The following TBC1D22A variants were observed in gnomAD, a reference collection of about 807,000 sequenced individuals.
TBC1D22A encodes the protein putative GTPase activator.
Under a neutral mutation model 60.2 loss-of-function variants are expected in TBC1D22A, and 38 were observed. The ratio of observed to expected loss-of-function variants is 0.63; its 90% confidence interval spans 0.49 to 0.83. TBC1D22A has a LOEUF of 0.83. TBC1D22A is among the 40% of genes least tolerant of loss of function. The pLI, the probability that TBC1D22A is intolerant of heterozygous loss-of-function variation, is 0.00. For synonymous variants in TBC1D22A, 302 were observed against 281.7 expected, an observed-to-expected ratio of 1.07 and a Z score of -0.72; for missense variants, 628 against 701.0, an observed-to-expected ratio of 0.90 and a Z score of 1.18.
At chr22:47,070,234 C>G (rs1345628423) in intron 11 of TBC1D22A, among the ~76,000 whole-genome samples, 2 of 147,626 alleles carry the variant, frequency 1.4e-5, no homozygotes, top group Non-Finnish European at 3.0e-5. Flanking sequence ...CGGAGCTGAC[C>G]TGACGGTTCC....
intron 11 of TBC1D22A, among the ~76,000 whole-genome samples, chr22:47,109,377 G>A (rs1251628700): frequency 1.3e-5 from 2 of 152,308 alleles, no homozygotes; most frequent in East Asian, 1.9e-4. Flanking sequence ...CTCGAACAAC[G>A]CTGTTGATGA....
rs532938069 is a variant in TBC1D22A at position 47,039,568 on chromosome 22, A to G, written c.1329+2370A>G. Among the ~76,000 whole-genome samples the G allele has an allele frequency of 3.9e-5, 6 of 152,202 alleles. No individual in the cohort carries two copies. The South Asian group carries it at 6.2e-4, about 16-fold the overall frequency. On this transcript the variant is annotated intron_variant, in intron 11 of 12. Coordinates refer to ENST00000337137, the MANE Select transcript of TBC1D22A (RefSeq NM_014346.5). ...GCCCTGAACTAGATAGTATATAAAAATGAATGAGGGGCATTGTCATGAGGG... is the reference window on the plus strand; with the variant it reads ...GCCCTGAACTAGATAGTATATAAAAGTGAATGAGGGGCATTGTCATGAGGG...
chr22:46,850,704 C>T (rs922821424), intron 4 of TBC1D22A, among the ~76,000 whole-genome samples: 6 of 152,042 alleles, frequency 3.9e-5, no homozygotes, highest in Non-Finnish European at 7.4e-5. Context: ...TGTATATTCC[C>T]GAGAGAAATG....
At chr22:46,815,670 G>T (rs2085564644) in intron 4 of TBC1D22A, among the ~76,000 whole-genome samples, 1 of 152,228 alleles carries the variant, frequency 6.6e-6, no homozygotes, top group African/African-American at 2.4e-5. Flanking sequence ...TCTGCCTGGT[G>T]CTGGGCACTG....
chr22:47,123,594 A>G (rs912136410), intron 12 of TBC1D22A, among the ~76,000 whole-genome samples: 6 of 152,198 alleles, frequency 3.9e-5, no homozygotes, highest in Non-Finnish European at 8.8e-5. Flanking sequence ...TCTCTGTCAA[A>G]TGGGACTGAT....
chr22:46,868,091 G>A (rs753151860), intron 4 of TBC1D22A, among the ~76,000 whole-genome samples: 7 of 152,200 alleles, frequency 4.6e-5, no homozygotes, highest in Non-Finnish European at 5.9e-5. Context: ...GGGAGGCTGC[G>A]GTGCCGCTTA....
rs80074971 is a variant in TBC1D22A at position 47,112,868 on chromosome 22, C to T, written c.1425+1265C>T. 8.5e-3 allele frequency among the ~76,000 whole-genome samples: 1,288 copies of T among 152,316 alleles called. 5 individuals are homozygous for T. The highest frequency in any genetic ancestry group is 0.013 in the Non-Finnish European group (866 of 68,026). ...GGTGCACCTGGCCTGCCCCTCCGCC[C>T]GGCTGATGCAAGGCTGCTGGGGCTG... On this transcript the variant is annotated intron_variant, in intron 12 of 12. Transcript: ENST00000337137.
intron 5 of TBC1D22A, among the ~76,000 whole-genome samples, chr22:46,881,325 G>T (rs1451008301): frequency 6.6e-6 from 1 of 152,208 alleles, no homozygotes; most frequent in Non-Finnish European, 1.5e-5. Flanking sequence ...GAAATAGCAG[G>T]CAGGGAAGAA....
At chr22:46,844,809 C>T (rs1445836106) in intron 4 of TBC1D22A, among the ~76,000 whole-genome samples, 2 of 152,152 alleles carry the variant, frequency 1.3e-5, no homozygotes, top group Admixed American at 6.5e-5. Flanking sequence ...CGGGGTCATC[C>T]CAGGCCCAGG....
rs1272607314 is a variant in TBC1D22A, at chr22:46,920,095, G to C, written c.1015+7907G>C. On this transcript the variant is annotated intron_variant, in intron 8 of 12. Transcript: ENST00000337137. ...TGTATGTATGTATGTATGAATGAAG[G>C]AGAGAGACAGAGTGTTGCTCTATTG... 5.3e-5 allele frequency among the ~76,000 whole-genome samples: 8 copies of C among 152,276 alleles called. No homozygotes were observed. In the East Asian group the frequency reaches 1.5e-3, roughly 29 times the overall value.
intron 12 of TBC1D22A, among the ~76,000 whole-genome samples, chr22:47,123,393 G>C (rs1470472229): frequency 6.6e-6 from 1 of 152,218 alleles, no homozygotes; most frequent in Non-Finnish European, 1.5e-5. Context: ...CCGGCTGGCA[G>C]GATGTTTGTG....
chr22:47,003,507 C>T (rs764401236), intron 10 of TBC1D22A, among the ~76,000 whole-genome samples: 3 of 139,454 alleles, frequency 2.2e-5, no homozygotes, highest in Non-Finnish European at 4.6e-5. Flanking sequence ...TACACACACA[C>T]CCGCCAGATA....
At chr22:47,047,703 C>T (rs2063075254) in intron 11 of TBC1D22A, among the ~76,000 whole-genome samples, 1 of 152,236 alleles carries the variant, frequency 6.6e-6, no homozygotes, top group Non-Finnish European at 1.5e-5. Flanking sequence ...CAGTTGACCT[C>T]ATCCTTGATG....
chr22:46,869,290 T>A (rs964179005), intron 4 of TBC1D22A, among the ~76,000 whole-genome samples: 1 of 152,218 alleles, frequency 6.6e-6, no homozygotes, highest in Admixed American at 6.5e-5. Flanking sequence ...AGACCACCCC[T>A]CCTCTGGTGA....
At chr22:47,067,609 A>AG (rs1442548225) in intron 11 of TBC1D22A, among the ~76,000 whole-genome samples, 2 of 152,200 alleles carry the variant, frequency 1.3e-5, no homozygotes, top group South Asian at 2.1e-4. Flanking sequence ...TGTCTGCCCC[A>AG]GGCTGTCCTG....
intron 4 of TBC1D22A, among the ~76,000 whole-genome samples, chr22:46,809,795 T>C (rs2085305633): frequency 6.6e-6 from 1 of 152,182 alleles, no homozygotes; most frequent in Admixed American, 6.5e-5. Flanking sequence ...CCGGCTGCTG[T>C]GTTCTTACCG....
chr22:47,128,831 G>A (rs1170159229), intron 12 of TBC1D22A, among the ~76,000 whole-genome samples: 2 of 152,146 alleles, frequency 1.3e-5, no homozygotes, highest in African/African-American at 2.4e-5. Context: ...GAGGCAGATG[G>A]GCCCCAGAGT....
intron 10 of TBC1D22A, among the ~76,000 whole-genome samples, chr22:47,005,135 A>G (rs1183436210): frequency 6.6e-6 from 1 of 151,746 alleles, no homozygotes; most frequent in African/African-American, 2.4e-5. Context: ...ACACGTGTCT[A>G]TACACAAACA....
chr22:47,046,228 G>A (rs1339412941), intron 11 of TBC1D22A, among the ~76,000 whole-genome samples: 4 of 152,184 alleles, frequency 2.6e-5, no homozygotes, highest in African/African-American at 9.7e-5. Flanking sequence ...GTGGGACGGT[G>A]GACTGTTTCT....
Sources: gnomAD v4.1 joint callset for allele counts (sites outside exome capture counted in the v4.1 genomes callset) on GRCh38, gnomAD v4.1.1 for gene constraint, MANE v1.5 for transcripts, NCBI Gene and HGNC (gene_info 2026-07-23, HGNC 2026-07-21) for gene names.